NKAIN3: variants seen among roughly 807,000 people sequenced by gnomAD.
NKAIN3 encodes sodium/potassium-transporting ATPase subunit beta-1-interacting protein 3.
A neutral mutation model predicts 30.2 loss-of-function variants in NKAIN3; 25 were observed. The ratio of observed to expected loss-of-function variants is 0.83; its 90% CI spans 0.60 to 1.16. The LOEUF (loss-of-function observed/expected upper bound fraction) is 1.16. Among genes scored for constraint, NKAIN3 ranks in the 50% most tolerant of loss-of-function variants. NKAIN3 has a pLI of 0.00. For missense variants in NKAIN3, 225 were observed against 254.1 expected (o/e 0.89, Z 0.78); for synonymous variants, 91 against 89.6 (o/e 1.02, Z -0.09).
chr8:62,933,687 G>A (rs1822691082), intron 5 of NKAIN3, among the ~76,000 whole-genome samples: 1 of 152,132 alleles, frequency 6.6e-6, no homozygotes. Context: ...CTGAGTATGA[G>A]AAACATCTAA....
intron 4 of NKAIN3, among the ~76,000 whole-genome samples, chr8:62,866,574 T>C (rs1405527106): frequency 6.6e-6 from 1 of 152,188 alleles, no homozygotes; most frequent in African/African-American, 2.4e-5. Context: ...ATTTAGCCTG[T>C]TTTAGAAGTC....
chr8:62,592,890 T>C (rs1280428847), intron 3 of NKAIN3, among the ~76,000 whole-genome samples: 1 of 151,922 alleles, frequency 6.6e-6, no homozygotes, highest in Non-Finnish European at 1.5e-5. Context: ...GATCAATGTA[T>C]TAAATAGACA....
intron 4 of NKAIN3, among the ~76,000 whole-genome samples, chr8:62,786,953 AACCTGAGGCAGG>A (rs1817539712): frequency 6.6e-6 from 1 of 152,164 alleles, no homozygotes; most frequent in South Asian, 2.1e-4. Context: ...CTCTACCCTG[AACCTGAGGCAGG>A]ACAATGGGAA....
intron 1 of NKAIN3, among the ~76,000 whole-genome samples, chr8:62,444,907 G>A (rs1256759389): frequency 1.3e-5 from 2 of 151,976 alleles, no homozygotes; most frequent in Admixed American, 6.6e-5. Flanking sequence ...CATTTTAACC[G>A]TGGTGAGATG....
Position 62,608,870 on chromosome 8 carries a change from G to A in NKAIN3, c.273+19076G>A, listed in dbSNP as rs116639319. The stretch of plus-strand genomic sequence containing the variant: ...TAAATTAAGATACACTTTCATAGGG[G>A]GAAAAATGTCCAATGATTTAGAAAT... On this transcript the variant is annotated intron_variant, in intron 3 of 6. Transcript: ENST00000623646. Among the ~76,000 whole-genome samples, 236 of 152,034 alleles carry A rather than the reference G, an allele frequency of 1.6e-3. 1 individual carries two copies. The highest frequency in any genetic ancestry group is 4.3e-3 in the African/African-American group (177 of 41,470).
intron 1 of NKAIN3, among the ~76,000 whole-genome samples, chr8:62,512,229 G>A (rs1166770052): frequency 1.3e-5 from 2 of 152,102 alleles, no homozygotes; most frequent in African/African-American, 4.8e-5. Context: ...AGGCATTGTG[G>A]ATATCAGGCT....
chr8:62,678,104 T>C (rs1374197664), intron 3 of NKAIN3, among the ~76,000 whole-genome samples: 1 of 152,216 alleles, frequency 6.6e-6, no homozygotes, highest in Non-Finnish European at 1.5e-5. Context: ...GTGAATATGT[T>C]ATTTTGAGTG....
intron 3 of NKAIN3, among the ~76,000 whole-genome samples, chr8:62,729,040 C>CAAAAAACAAACA (rs1815374326): frequency 3.3e-5 from 2 of 61,206 alleles, no homozygotes; most frequent in African/African-American, 1.4e-4. Flanking sequence ...AAAAAAAAAA[C>CAAAAAACAAACA]AAAAAAAAAA....
At chr8:62,888,155 G>A (rs1457632488) in intron 4 of NKAIN3, among the ~76,000 whole-genome samples, 1 of 152,162 alleles carries the variant, frequency 6.6e-6, no homozygotes, top group Non-Finnish European at 1.5e-5. Context: ...TAGTAAAGCA[G>A]GCTAGAGTTG....
chr8:62,597,557 G>A (rs1386416991), intron 3 of NKAIN3, among the ~76,000 whole-genome samples: 2 of 151,846 alleles, frequency 1.3e-5, no homozygotes, highest in Non-Finnish European at 2.9e-5. Flanking sequence ...ACATAATTTT[G>A]TTCTATTTTT....
chr8:62,682,019 G>T (rs758629915), intron 3 of NKAIN3, among the ~76,000 whole-genome samples: 2 of 152,130 alleles, frequency 1.3e-5, no homozygotes, highest in African/African-American at 2.4e-5. Flanking sequence ...GAGGGACAGA[G>T]TAGCATGTGG....
At chr8:62,657,577 T>A (rs1213624480) in intron 3 of NKAIN3, among the ~76,000 whole-genome samples, 2 of 152,212 alleles carry the variant, frequency 1.3e-5, no homozygotes, top group African/African-American at 4.8e-5. Flanking sequence ...GTTTACATAT[T>A]GCATTATCAA....
At chr8:62,439,577 C>G (rs1280427027) in intron 1 of NKAIN3, among the ~76,000 whole-genome samples, 2 of 152,194 alleles carry the variant, frequency 1.3e-5, no homozygotes, top group Non-Finnish European at 1.5e-5. Context: ...ATTGTTCCCT[C>G]TCATGTTACT....
At chr8:62,645,958 A>G (rs1167866006) in intron 3 of NKAIN3, among the ~76,000 whole-genome samples, 4 of 152,130 alleles carry the variant, frequency 2.6e-5, no homozygotes, top group African/African-American at 9.7e-5. Flanking sequence ...TCCGAAAATA[A>G]TACTGCTCTC....
chr8:62,858,408 G>C (rs912120015), intron 4 of NKAIN3, among the ~76,000 whole-genome samples: 2 of 152,154 alleles, frequency 1.3e-5, no homozygotes, highest in African/African-American at 4.8e-5. Context: ...GATCTCTTCA[G>C]CCTCTGATCA....
At position 62,311,640 on chromosome 8, in the gene NKAIN3, G is replaced by A. The variant is rs149168583; in HGVS notation, c.54+62513G>A. Reference sequence around the variant, plus strand: ...GCATTTTTTTAACTGGATCAAGTCTGTGTGGGATTCTTGGTGCCAATGAGC... The same window carrying A: ...GCATTTTTTTAACTGGATCAAGTCTATGTGGGATTCTTGGTGCCAATGAGC... On this transcript the variant is annotated intron_variant, in intron 1 of 6. Transcript: ENST00000623646. Among the ~76,000 whole-genome samples the A allele has an allele frequency of 5.0e-4, 75 of 150,558 alleles. 3 individuals carry two copies. The highest frequency in any genetic ancestry group is 1.9e-3 in the African/African-American group (74 of 39,942).
intron 1 of NKAIN3, among the ~76,000 whole-genome samples, chr8:62,363,505 G>A (rs928912580): frequency 3.9e-5 from 6 of 152,076 alleles, no homozygotes; most frequent in African/African-American, 1.4e-4. Context: ...TTTCTTCAAG[G>A]ACTTAGGTGA....
intron 1 of NKAIN3, among the ~76,000 whole-genome samples, chr8:62,509,253 T>G (rs1193313123): frequency 6.6e-6 from 1 of 151,860 alleles, no homozygotes; most frequent in Non-Finnish European, 1.5e-5. Context: ...ATAGAGACAT[T>G]TCTTCTTCTT....
chr8:62,806,585 A>T (rs1818291127), intron 4 of NKAIN3, among the ~76,000 whole-genome samples: 1 of 152,096 alleles, frequency 6.6e-6, no homozygotes, highest in Non-Finnish European at 1.5e-5. Context: ...GTTCTCACTC[A>T]TAGGTGGGAA....
Sources: gnomAD v4.1 joint callset for allele counts (sites outside exome capture counted in the v4.1 genomes callset) on GRCh38, gnomAD v4.1.1 for gene constraint, MANE v1.5 for transcripts, NCBI Gene and HGNC (gene_info 2026-07-23, HGNC 2026-07-21) for gene names.